Variants in EFTUD2 observed in about 807,000 individuals in gnomAD.
The protein encoded by EFTUD2 is 116 kDa U5 small nuclear ribonucleoprotein component.
EFTUD2 carries 9 observed loss-of-function variants against 114.3 expected under a neutral mutation model. The observed-to-expected ratio is 0.08, with a 90% CI of 0.05 to 0.14. The LOEUF (loss-of-function observed/expected upper bound fraction) is 0.14, where lower values mean the gene tolerates loss of function less well. Among genes scored for constraint, EFTUD2 ranks in the 10% least tolerant of loss-of-function variants. The pLI is 1.00. For missense variants in EFTUD2, 765 were observed against 1,241.2 expected, an observed-to-expected ratio of 0.62 and a Z score of 5.76; for synonymous variants, 449 against 462.3, an observed-to-expected ratio of 0.97 and a Z score of 0.37.
At chr17:44,882,648 C>T (rs575046128) in intron 6 of EFTUD2, among the ~76,000 whole-genome samples, 6 of 152,322 alleles carry the variant, frequency 3.9e-5, no homozygotes, top group African/African-American at 1.4e-4. Context: ...AGACACATGT[C>T]AGCCTTAATG....
intron 5 of EFTUD2, 94 bp from the exon 6 acceptor site, chr17:44,883,252 TAAGGAGAGAAA>T: frequency 8.4e-7 from 1 of 1,184,760 alleles, no homozygotes; most frequent in South Asian, 1.3e-5. Flanking sequence ...AATTTAGGGA[TAAGGAGAGAAA>T]AAGGAGAGCA....
chr17:44,894,406 A>AT lies in EFTUD2; in HGVS notation c.105+10dup. On this transcript the variant is annotated intron_variant, in intron 2 of 27. Coordinates refer to ENST00000426333, the MANE Select transcript of EFTUD2 (RefSeq NM_004247.4). ...TAAGAGTGAGATAAAAGAGCAATAT[A>AT]TTTGTTTTACCTCATCAAGATCTTT... The AT allele has an allele frequency of 6.4e-7, 1 of 1,574,604 alleles. No homozygotes were observed. The highest frequency in any genetic ancestry group is 8.7e-7 in the Non-Finnish European group (1 of 1,144,034).
At chr17:44,858,690 A>C (rs2050601755) in intron 19 of EFTUD2, among the ~76,000 whole-genome samples, 1 of 152,086 alleles carries the variant, frequency 6.6e-6, no homozygotes, top group Non-Finnish European at 1.5e-5. Flanking sequence ...CAATCCTCTC[A>C]CCTCAGTCTC....
At chr17:44,879,473 C>A in intron 9 of EFTUD2, 83 bp downstream of exon 9, 1 of 1,350,304 alleles carries the variant, frequency 7.4e-7, no homozygotes, top group Non-Finnish European at 1.1e-6. Context: ...TGGCTCCCAG[C>A]TCACTCAGTG....
chr17:44,862,930 C>T, intron 15 of EFTUD2, 24 bp from the exon 16 acceptor site: 3 of 1,592,718 alleles, frequency 1.9e-6, no homozygotes, highest in Non-Finnish European at 2.6e-6. Flanking sequence ...CAGGGTGCAG[C>T]TTCAACCACA....
intron 9 of EFTUD2, among the ~76,000 whole-genome samples, chr17:44,878,900 C>A (rs2051019866): frequency 6.6e-6 from 1 of 152,152 alleles, no homozygotes; most frequent in Admixed American, 6.5e-5. Flanking sequence ...ACAGAAGACA[C>A]CCTGGTATTT....
chr17:44,869,448 G>A (rs1006245262), intron 11 of EFTUD2, among the ~76,000 whole-genome samples: 1 of 152,050 alleles, frequency 6.6e-6, no homozygotes, highest in Non-Finnish European at 1.5e-5. Context: ...ACAGGTGTGC[G>A]CCATCACGGC....
At chr17:44,867,998 G>A in intron 12 of EFTUD2, 101 bp from the exon 13 acceptor site, 25 of 1,180,898 alleles carry the variant, frequency 2.1e-5, no homozygotes, top group Middle Eastern at 4.0e-4. Flanking sequence ...CAGCCCAGGG[G>A]AGGAATGTGT....
At chr17:44,866,540 G>A (rs2050748969) in intron 13 of EFTUD2, among the ~76,000 whole-genome samples, 1 of 152,056 alleles carries the variant, frequency 6.6e-6, no homozygotes, top group South Asian at 2.1e-4. Context: ...CACCACGCCT[G>A]GCTAATTTTT....
rs576467668 is a variant in EFTUD2, at chr17:44,887,689, A to G, written c.106-939T>C. ...GGCTGGCAGGGTAGGTGTGGGTGGG[A>G]GGACAATGGGTAAGGGGTGTGGAGT... On this transcript the variant is annotated intron_variant, in intron 2 of 27. Transcript: ENST00000426333. Among the ~76,000 whole-genome samples the G allele has an allele frequency of 5.0e-4, 76 of 152,236 alleles. 1 individual carries two copies. Among genetic ancestry groups the G allele is most frequent in the African/African-American group, 1.8e-3 (76 of 41,546 alleles).
chr17:44,898,827 CAA>C (rs34320017), intron 1 of EFTUD2: 19,264 of 152,180 alleles, frequency 0.13, 1,285 homozygotes, highest in East Asian at 0.24. Context: ...ACAATTGAAG[CAA>C]AGACTTTGTT....
chr17:44,885,598 G>A (rs1427171161), intron 3 of EFTUD2, among the ~76,000 whole-genome samples: 1 of 152,094 alleles, frequency 6.6e-6, no homozygotes, highest in Non-Finnish European at 1.5e-5. Flanking sequence ...TGTAGGTTGA[G>A]GTCAATGTCA....
intron 20 of EFTUD2, among the ~76,000 whole-genome samples, chr17:44,855,434 G>A (rs1458682054): frequency 2.0e-5 from 3 of 151,680 alleles, no homozygotes; most frequent in East Asian, 1.9e-4. Flanking sequence ...GGTGGCGTGC[G>A]CTGGCACATG....
chr17:44,885,374 T>C, intron 3 of EFTUD2, 40 bp from the exon 4 acceptor site: 1 of 1,374,390 alleles, frequency 7.3e-7, no homozygotes, highest in Admixed American at 1.7e-5. Flanking sequence ...TAGGTGGGCA[T>C]AAAACATAAA....
rs2050636705 is a variant in EFTUD2 at position 44,860,550 on chromosome 17, C to T, written c.1608-7G>A. On this transcript the variant is annotated splice_polypyrimidine_tract_variant and splice_region_variant and intron_variant, in intron 16 of 27. Coordinates refer to ENST00000426333, the MANE Select transcript of EFTUD2 (RefSeq NM_004247.4). Reference sequence around the variant, plus strand: ...GTTCACCTCGATGTGGTACCTGAAGCAATGTCCAATAAGCAGCAGTGAAAC... The same window carrying T: ...GTTCACCTCGATGTGGTACCTGAAGTAATGTCCAATAAGCAGCAGTGAAAC... 10 of 1,564,048 alleles carry T rather than the reference C, an allele frequency of 6.4e-6. No homozygotes were observed. Among genetic ancestry groups the T allele is most frequent in the Non-Finnish European group, 8.8e-6 (10 of 1,135,016 alleles).
rs1310085514 is a variant in EFTUD2 at position 44,853,519 on chromosome 17, T to A, written c.2464A>T (p.Met822Leu). 1.2e-6 allele frequency: 2 copies of A among 1,614,006 alleles called. No homozygotes were observed. Among genetic ancestry groups the A allele is most frequent in the Non-Finnish European group, 1.7e-6 (2 of 1,179,920 alleles). Residue 822 changes from methionine (M) to leucine (L), a missense_variant and splice_region_variant, in exon 24 of 28, where the codon ATG becomes TTG. Physicochemically the swap from Met to Leu is conservative, Grantham distance 15 (BLOSUM62 2). Coordinates refer to ENST00000426333, the MANE Select transcript of EFTUD2 (RefSeq NM_004247.4). ...CCCCTACCGCCCCATTCTCTTACCA[T>A]GAGGAAGGCAGAGTAGACGACTCTC... is the stretch of plus-strand genomic sequence containing the variant. ...ARRVVYSAFL[M>L]ATPRLMEPYY...
At chr17:44,869,229 G>A (rs1425166223) in intron 11 of EFTUD2, among the ~76,000 whole-genome samples, 3 of 152,128 alleles carry the variant, frequency 2.0e-5, no homozygotes, top group Admixed American at 6.5e-5. Flanking sequence ...GTTAGTTACT[G>A]AAACTTTCCT....
intron 1 of EFTUD2, among the ~76,000 whole-genome samples, chr17:44,897,919 T>C (rs996588767): frequency 6.6e-6 from 1 of 152,134 alleles, no homozygotes; most frequent in African/African-American, 2.4e-5. Context: ...ACACAGCCAA[T>C]AGCCAAGACA....
chr17:44,850,176 A>G lies in EFTUD2; in HGVS notation c.*1098T>C, dbSNP rs1223542013. On this transcript the variant is annotated 3_prime_UTR_variant, in exon 28 of 28. Coordinates refer to ENST00000426333, the MANE Select transcript of EFTUD2 (RefSeq NM_004247.4). ...TGGTTTCCCCAGGTTGTGTGGTCAG[A>G]TGCTTGAAGCAGCTGTTGGGACCTG... The G allele has an allele frequency of 1.7e-6, 1 of 591,732 alleles. No individual in the cohort carries two copies. The highest frequency in any genetic ancestry group is 2.8e-5 in the East Asian group (1 of 36,084). 36.7% of individuals were successfully genotyped at this position (591,732 alleles called of 1,614,324 possible). A position where few individuals can be genotyped will look rare whatever the true frequency, so the allele number is the denominator to read the frequency against.
Sources: allele counts gnomAD v4.1 joint callset (sites outside exome capture counted in the v4.1 genomes callset), GRCh38; gene constraint gnomAD v4.1.1; transcripts MANE v1.5; gene names NCBI Gene and HGNC (gene_info 2026-07-23, HGNC 2026-07-21).